Variants in SPATA16 observed in about 807,000 individuals in gnomAD.
The protein encoded by SPATA16 is spermatogenesis associated 16, also known as spermatogenesis-associated protein 16.
SPATA16 carries 36 observed loss-of-function variants against 63.3 expected under a neutral mutation model. The observed-to-expected ratio is 0.57, with a 90% CI of 0.44 to 0.75. SPATA16 has a LOEUF of 0.75. Among genes scored for constraint, SPATA16 ranks in the 30% least tolerant of loss-of-function variants. SPATA16 has a pLI of 0.00. For missense variants in SPATA16, 646 were observed against 679.3 expected, an observed-to-expected ratio of 0.95 and a Z score of 0.54; for synonymous variants, 203 against 216.7, an observed-to-expected ratio of 0.94 and a Z score of 0.56.
At chr3:173,114,200 A>AG (rs1388481306) in intron 2 of SPATA16, among the ~76,000 whole-genome samples, 2 of 148,026 alleles carry the variant, frequency 1.4e-5, no homozygotes, top group Non-Finnish European at 3.0e-5. Context: ...AAAAAAAAAA[A>AG]GAGTCTCATA....
At chr3:172,955,729 T>G (rs1733578391) in intron 6 of SPATA16, among the ~76,000 whole-genome samples, 1 of 152,178 alleles carries the variant, frequency 6.6e-6, no homozygotes, top group Admixed American at 6.6e-5. Context: ...TGATGGCATG[T>G]TCACGGGTTC....
intron 4 of SPATA16, among the ~76,000 whole-genome samples, chr3:172,989,031 C>T (rs1734517015): frequency 6.6e-6 from 1 of 152,210 alleles, no homozygotes; most frequent in South Asian, 2.1e-4. Context: ...TGTGCTTAAA[C>T]TTGCTTTCAG....
At chr3:172,900,379 C>A (rs1732103505) in intron 10 of SPATA16, among the ~76,000 whole-genome samples, 1 of 152,126 alleles carries the variant, frequency 6.6e-6, no homozygotes, top group Admixed American at 6.5e-5. Flanking sequence ...TATGATGTAT[C>A]CCGGTATAAA....
chr3:172,934,533 C>T (rs547066048), intron 6 of SPATA16, among the ~76,000 whole-genome samples: 3 of 152,128 alleles, frequency 2.0e-5, no homozygotes, highest in African/African-American at 7.2e-5. Context: ...CAGAAAAGCA[C>T]AGTGATTTCC....
At chr3:172,961,065 TC>T (rs1733763639) in intron 5 of SPATA16, among the ~76,000 whole-genome samples, 1 of 40,142 alleles carries the variant, frequency 2.5e-5, no homozygotes, top group Non-Finnish European at 4.8e-5. Context: ...CTTTCTTTCT[TC>T]TTTCTTCCTT....
rs6788038 is a variant in SPATA16 at position 172,970,267 on chromosome 3, G to A, written c.933+6701C>T. ...TTAAGCACAGATGTCCATTGTCTTCGAAAGGTACTTCTCGTTGGCCTACAT... is the reference window on the plus strand; with the variant it reads ...TTAAGCACAGATGTCCATTGTCTTCAAAAGGTACTTCTCGTTGGCCTACAT... On this transcript the variant is annotated intron_variant, in intron 5 of 10. Coordinates refer to ENST00000351008, the MANE Select transcript of SPATA16 (RefSeq NM_031955.6). Among the ~76,000 whole-genome samples, 555 of 152,100 alleles carry A rather than the reference G, an allele frequency of 3.6e-3. 3 individuals carry two copies. Among genetic ancestry groups the A allele is most frequent in the African/African-American group, 0.013 (540 of 41,508 alleles).
intron 6 of SPATA16, among the ~76,000 whole-genome samples, chr3:172,939,028 T>C (rs138205105): frequency 6.6e-6 from 1 of 152,100 alleles, no homozygotes; most frequent in East Asian, 1.9e-4. Context: ...GTTAACCAAT[T>C]AGAAATTAAA....
intron 1 of SPATA16, among the ~76,000 whole-genome samples, chr3:173,137,838 C>T (rs1008203106): frequency 6.8e-6 from 1 of 146,102 alleles, no homozygotes; most frequent in African/African-American, 2.7e-5. Context: ...CACACACACA[C>T]ACACACACAC....
intron 5 of SPATA16, among the ~76,000 whole-genome samples, chr3:172,964,263 A>G (rs1021359852): frequency 1.3e-5 from 2 of 152,220 alleles, no homozygotes; most frequent in Admixed American, 1.3e-4. Context: ...TTAAATAATA[A>G]CATGCTTAGG....
At chr3:173,108,156 G>T (rs1737663081) in intron 2 of SPATA16, among the ~76,000 whole-genome samples, 1 of 151,972 alleles carries the variant, frequency 6.6e-6, no homozygotes, top group African/African-American at 2.4e-5. Context: ...ATTTTTTTCG[G>T]TGAAGTTTTC....
intron 2 of SPATA16, among the ~76,000 whole-genome samples, chr3:173,068,420 G>A (rs1227161328): frequency 6.6e-6 from 1 of 151,992 alleles, no homozygotes; most frequent in Non-Finnish European, 1.5e-5. Context: ...TGTAATCAGA[G>A]TTATCAGTTT....
chr3:172,920,255 T>A (rs979068147), intron 8 of SPATA16, among the ~76,000 whole-genome samples: 2 of 152,180 alleles, frequency 1.3e-5, no homozygotes, highest in African/African-American at 4.8e-5. Context: ...GAGGGTCAAA[T>A]TAGAGAATGT....
At chr3:172,890,682 A>G (rs1389892052) in intron 10 of SPATA16, among the ~76,000 whole-genome samples, 1 of 151,748 alleles carries the variant, frequency 6.6e-6, no homozygotes, top group African/African-American at 2.4e-5. Context: ...AGAATAATAA[A>G]TGGTAGCACT....
intron 5 of SPATA16, among the ~76,000 whole-genome samples, chr3:172,967,583 C>A (rs1331374459): frequency 2.0e-5 from 3 of 152,150 alleles, no homozygotes; most frequent in Non-Finnish European, 2.9e-5. Flanking sequence ...TCAGAGATCC[C>A]CAACCAGGCC....
intron 5 of SPATA16, among the ~76,000 whole-genome samples, chr3:172,961,299 A>G (rs1470641571): frequency 6.6e-6 from 1 of 152,140 alleles, no homozygotes; most frequent in Non-Finnish European, 1.5e-5. Flanking sequence ...GACTATAATC[A>G]TAGTAAATTG....
At chr3:173,071,913 C>A (rs1736683607) in intron 2 of SPATA16, among the ~76,000 whole-genome samples, 1 of 152,148 alleles carries the variant, frequency 6.6e-6, no homozygotes, top group Non-Finnish European at 1.5e-5. Context: ...AGTCAAAAAA[C>A]AATAGATGCT....
chr3:172,892,867 C>G (rs547434980), intron 10 of SPATA16, among the ~76,000 whole-genome samples: 1 of 152,250 alleles, frequency 6.6e-6, no homozygotes, highest in South Asian at 2.1e-4. Context: ...CTAATTTTCC[C>G]CGTTGAAAAA....
At chr3:172,921,286 C>T (rs988286533) in intron 8 of SPATA16, among the ~76,000 whole-genome samples, 1 of 152,036 alleles carries the variant, frequency 6.6e-6, no homozygotes, top group Non-Finnish European at 1.5e-5. Flanking sequence ...AAGCCTTAGC[C>T]ACTAGTATTA....
At chr3:172,967,152 T>G (rs972873224) in intron 5 of SPATA16, among the ~76,000 whole-genome samples, 2 of 152,128 alleles carry the variant, frequency 1.3e-5, no homozygotes, top group Non-Finnish European at 2.9e-5. Context: ...TTTGTTAAAG[T>G]AAAGAAAGGC....
Sources: allele counts gnomAD v4.1 joint callset (sites outside exome capture counted in the v4.1 genomes callset), GRCh38; gene constraint gnomAD v4.1.1; transcripts MANE v1.5; gene names NCBI Gene and HGNC (gene_info 2026-07-23, HGNC 2026-07-21).